Variants in B3GALNT2 observed in about 807,000 individuals in gnomAD.
B3GALNT2 encodes UDP-GalNAc:beta-1,3-N-acetylgalactosaminyltransferase 2.
A neutral mutation model predicts 61.1 loss-of-function variants in B3GALNT2; 53 were observed. That is an observed-to-expected ratio of 0.87 (90% CI 0.70 to 1.09). The LOEUF (loss-of-function observed/expected upper bound fraction) is 1.09, where lower values mean the gene tolerates loss of function less well. Ranked by LOEUF, B3GALNT2 falls within the 50% of genes least tolerant of loss-of-function variation. The pLI, the probability that B3GALNT2 is intolerant of heterozygous loss-of-function variation, is 0.00. For synonymous variants in B3GALNT2, 223 were observed against 237.4 expected (o/e 0.94, Z 0.56); for missense variants, 544 against 623.0 (o/e 0.87, Z 1.35).
In B3GALNT2 at chr1:235,458,599, C is replaced by T; in HGVS notation, c.1025+4G>A. ...TCTAGCTACCCAACATTTTTACAAC[C>T]TACCATCTATAGAAGTTCAATAATT... On this transcript the variant is annotated splice_donor_region_variant and intron_variant, in intron 8 of 11. Transcript: ENST00000366600. 1 of 1,582,588 alleles carries T rather than the reference C, an allele frequency of 6.3e-7. No individual in the cohort carries two copies. The highest frequency in any genetic ancestry group is 8.5e-7 in the Non-Finnish European group (1 of 1,169,642).
At position 235,453,250 on chromosome 1, in the gene B3GALNT2, T is replaced by G. The variant is rs1318861988; in HGVS notation, c.1312-104A>C. 9 of 1,176,522 alleles carry G rather than the reference T, an allele frequency of 7.6e-6. No homozygotes were observed. The Admixed American group carries it at 1.5e-4, about 20-fold the overall frequency. The allele number at this position is 1,176,522 out of a possible 1,614,324, so 72.9% of individuals were successfully genotyped here. ...ATCATAAACCACCTTTCTACTTTTT[T>G]GCTCTGTTATTATTCTAATATGAAA... is the stretch of plus-strand genomic sequence containing the variant. On this transcript the variant is annotated intron_variant, in intron 10 of 11. Coordinates refer to ENST00000366600, the MANE Select transcript of B3GALNT2 (RefSeq NM_152490.5).
At chr1:235,500,250 T>G (rs1385265800) in intron 1 of B3GALNT2, among the ~76,000 whole-genome samples, 2 of 152,192 alleles carry the variant, frequency 1.3e-5, no homozygotes, top group Non-Finnish European at 2.9e-5. Context: ...CCTAGCACTT[T>G]GGGAGGCCGA....
At chr1:235,457,649 C>T (rs536009303) in intron 8 of B3GALNT2, among the ~76,000 whole-genome samples, 8 of 152,140 alleles carry the variant, frequency 5.3e-5, no homozygotes, top group Non-Finnish European at 8.8e-5. Flanking sequence ...TTTAGTAAGC[C>T]AGCCACATAA....
the B3GALNT2 span, among the ~76,000 whole-genome samples, chr1:235,440,333 C>T: frequency 2.6e-5 from 4 of 151,912 alleles, no homozygotes; most frequent in African/African-American, 7.3e-5. Flanking sequence ...TCAGGTGGCG[C>T]ACCATGCTCC....
intron 10 of B3GALNT2, 144 bp from the exon 11 acceptor site, chr1:235,453,290 T>G (rs2102780773): frequency 3.4e-5 from 26 of 763,540 alleles, no homozygotes; most frequent in Non-Finnish European, 5.3e-5. Flanking sequence ...AAAAATGGGT[T>G]CACATGAAGT....
rs2102956988 is a variant in B3GALNT2 at position 235,448,357 on chromosome 1, A to G, written c.*1849T>C. 6.2e-7 allele frequency: 1 copy of G among 1,613,972 alleles called. No individual in the cohort carries two copies. The highest frequency in any genetic ancestry group is 8.5e-7 in the Non-Finnish European group (1 of 1,179,850). Reference sequence around the variant, plus strand: ...TTCTTGTCTTTTGATAGGCTCCATGACAATTCAAAAGGTGAAGGGATTGCT... The same window carrying G: ...TTCTTGTCTTTTGATAGGCTCCATGGCAATTCAAAAGGTGAAGGGATTGCT... On this transcript the variant is annotated 3_prime_UTR_variant, in exon 12 of 12. Transcript: ENST00000366600.
At chr1:235,467,921 G>C (rs769515519) in intron 6 of B3GALNT2, among the ~76,000 whole-genome samples, 3 of 149,578 alleles carry the variant, frequency 2.0e-5, no homozygotes, top group Non-Finnish European at 3.0e-5. Flanking sequence ...CTGGGATTAC[G>C]GGCATTAGCC....
chr1:235,447,141 A>G (rs1376233387), downstream of B3GALNT2, among the ~76,000 whole-genome samples: 1 of 152,206 alleles, frequency 6.6e-6, no homozygotes, highest in African/African-American at 2.4e-5. Context: ...ACATATTCAC[A>G]CATGAAAGAG....
rs2102784817 is a variant in B3GALNT2, at chr1:235,455,659, A to G, written c.1051T>C (p.Leu351=). 1 of 1,608,332 alleles carries G rather than the reference A, an allele frequency of 6.2e-7. No individual in the cohort carries two copies. Residue 351 remains leucine, a synonymous_variant, in exon 9 of 12, where the codon TTG becomes CTG. Transcript: ENST00000366600. ...RWTVETTSFN[L]LLKTDDDCYI... ...CAGTCATCATCTGTCTTCAGCAACA[A>G]ATTGAAGCTCGTTGTTTCCACAGTC...
At chr1:235,494,307 C>A (rs1019937504) in intron 2 of B3GALNT2, among the ~76,000 whole-genome samples, 1 of 152,190 alleles carries the variant, frequency 6.6e-6, no homozygotes, top group African/African-American at 2.4e-5. Context: ...AATATACTCT[C>A]TTCCAATTAT....
chr1:235,474,747 G>A (rs1684157641), intron 5 of B3GALNT2, among the ~76,000 whole-genome samples: 1 of 151,592 alleles, frequency 6.6e-6, no homozygotes, highest in African/African-American at 2.4e-5. Context: ...TTTGAACCTG[G>A]GAGGTGGAGG....
chr1:235,499,111 T>C (rs1217986357), intron 1 of B3GALNT2, among the ~76,000 whole-genome samples: 1 of 152,190 alleles, frequency 6.6e-6, no homozygotes, highest in Non-Finnish European at 1.5e-5. Context: ...AAATAAATTA[T>C]GGTGTAGCTA....
chr1:235,502,537 C>T (rs1324328296), intron 1 of B3GALNT2, among the ~76,000 whole-genome samples: 1 of 152,202 alleles, frequency 6.6e-6, no homozygotes, highest in Non-Finnish European at 1.5e-5. Context: ...TTACCCTGTT[C>T]CTTTCTATGG....
In B3GALNT2 at chr1:235,504,410, G is replaced by A. The variant is rs1036348904; in HGVS notation, c.-158C>T. On this transcript the variant is annotated 5_prime_UTR_variant, in exon 1 of 12. Coordinates refer to ENST00000366600, the MANE Select transcript of B3GALNT2 (RefSeq NM_152490.5). Reference sequence around the variant, plus strand: ...TCTGGGGGGCTCCTCGCAGCTCCCGGCCCCGCTCCTCCGGTCCCTCAGACC... The same window carrying A: ...TCTGGGGGGCTCCTCGCAGCTCCCGACCCCGCTCCTCCGGTCCCTCAGACC... 6.1e-5 allele frequency: 46 copies of A among 760,300 alleles called. No homozygotes were observed. The highest frequency in any genetic ancestry group is 8.8e-4 in the Middle Eastern group (2 of 2,280). 47.1% of individuals were successfully genotyped at this position (760,300 alleles called of 1,614,324 possible). A position where few individuals can be genotyped will look rare whatever the true frequency, so the allele number is the denominator to read the frequency against.
rs913637779 is a variant in B3GALNT2, at chr1:235,504,318, C to T, written c.-66G>A. ...CGGAGAGGGAGGGGACCTGCAAGTG[C>T]GGAGACTGAGGGGCGGCGGCTGACG... On this transcript the variant is annotated 5_prime_UTR_variant, in exon 1 of 12. Coordinates refer to ENST00000366600, the MANE Select transcript of B3GALNT2 (RefSeq NM_152490.5). 1,334 of 1,449,268 alleles carry T rather than the reference C, an allele frequency of 9.2e-4. 4 individuals are homozygous for T. Among genetic ancestry groups the T allele is most frequent in the Admixed American group, 2.2e-3 (91 of 41,734 alleles). The allele number at this position is 1,449,268 out of a possible 1,614,324, so 89.8% of individuals were successfully genotyped here.
chr1:235,454,091 A>C, intron 10 of B3GALNT2, 65 bp downstream of exon 10: 1 of 1,443,826 alleles, frequency 6.9e-7, no homozygotes, highest in Non-Finnish European at 9.4e-7. Context: ...TACCCGCCTT[A>C]GCCTCCCAAA....
intron 5 of B3GALNT2, among the ~76,000 whole-genome samples, chr1:235,471,690 C>A (rs927495272): frequency 3.3e-5 from 5 of 152,102 alleles, no homozygotes; most frequent in African/African-American, 7.2e-5. Flanking sequence ...TGACACAGAG[C>A]CTCGCTCTGC....
At chr1:235,451,902 C>T (rs1009531904) in intron 11 of B3GALNT2, 1 of 152,036 alleles carries the variant, frequency 6.6e-6, no homozygotes, top group African/African-American at 2.4e-5. Context: ...TTTTCTGGTT[C>T]AGCAATACTG....
chr1:235,477,170 A>AC (rs1684327598), intron 5 of B3GALNT2, among the ~76,000 whole-genome samples: 1 of 152,192 alleles, frequency 6.6e-6, no homozygotes, highest in Non-Finnish European at 1.5e-5. Flanking sequence ...AGGAAGGTTA[A>AC]CCCCTCTCCC....
Sources: allele counts gnomAD v4.1 joint callset (sites outside exome capture counted in the v4.1 genomes callset), GRCh38; gene constraint gnomAD v4.1.1; transcripts MANE v1.5; gene names NCBI Gene and HGNC (gene_info 2026-07-23, HGNC 2026-07-21).